ZIM2: variants seen among roughly 807,000 people sequenced by gnomAD.
ZIM2 encodes the protein zinc finger imprinted 2.
ZIM2 carries 14 observed loss-of-function variants against 38.6 expected under a neutral mutation model. That is an observed-to-expected ratio of 0.36 (90% CI 0.24 to 0.57). The LOEUF (loss-of-function observed/expected upper bound fraction) is 0.57, where lower values mean the gene tolerates loss of function less well. Among genes scored for constraint, ZIM2 ranks in the 20% least tolerant of loss-of-function variants. The pLI is 0.81. For synonymous variants in ZIM2, 247 were observed against 245.8 expected (o/e 1.00, Z -0.04); for missense variants, 680 against 695.1 (o/e 0.98, Z 0.24).
At chr19:56,830,935 T>TA (rs1019083480) in intron 2 of ZIM2, among the ~76,000 whole-genome samples, 6 of 150,212 alleles carry the variant, frequency 4.0e-5, no homozygotes, top group African/African-American at 7.4e-5. Flanking sequence ...ACCAAAAAAA[T>TA]AAAAAACAAT....
chr19:56,795,524 A>G (rs1412272957), intron 9 of ZIM2, among the ~76,000 whole-genome samples: 1 of 152,208 alleles, frequency 6.6e-6, no homozygotes, highest in Admixed American at 6.5e-5. Context: ...CAAAACCAGC[A>G]GCGCATGCGC....
intron 9 of ZIM2, chr19:56,815,948 T>G: frequency 6.3e-7 from 1 of 1,597,180 alleles, no homozygotes; most frequent in Non-Finnish European, 8.5e-7. Flanking sequence ...ATAACAGACC[T>G]ACTGTATTCC....
At chr19:56,782,161 C>G in intron 10 of ZIM2, 40 bp from the exon 11 acceptor site, 2 of 1,599,800 alleles carry the variant, frequency 1.3e-6, no homozygotes, top group Non-Finnish European at 1.7e-6. Flanking sequence ...TTAGAGAGGA[C>G]TGAACATGAT....
chr19:56,840,397 T>C (rs1601373704), intron 1 of ZIM2, among the ~76,000 whole-genome samples, 185 bp downstream of exon 1: 1 of 152,274 alleles, frequency 6.6e-6, no homozygotes, highest in East Asian at 1.9e-4. Context: ...GCCGCCACTG[T>C]GCCCACTCTC....
At chr19:56,825,715 T>A (rs1320249142) in intron 3 of ZIM2, among the ~76,000 whole-genome samples, 1 of 152,168 alleles carries the variant, frequency 6.6e-6, no homozygotes, top group Non-Finnish European at 1.5e-5. Flanking sequence ...TCTGGGAGCA[T>A]AAACTACCTA....
intron 9 of ZIM2, chr19:56,811,820 A>G (rs996063363): frequency 2.0e-6 from 2 of 985,386 alleles, no homozygotes; most frequent in African/African-American, 3.5e-5. Flanking sequence ...ACCCCGCTCA[A>G]TTCATTCTCA....
chr19:56,817,657 T>G, intron 9 of ZIM2, 89 bp downstream of exon 9: 2 of 1,521,012 alleles, frequency 1.3e-6, no homozygotes, highest in Non-Finnish European at 1.8e-6. Context: ...TGCACCCTTC[T>G]GTGATGTTTA....
chr19:56,799,481 G>A (rs1267534265), intron 9 of ZIM2: 2 of 152,188 alleles, frequency 1.3e-5, no homozygotes, highest in African/African-American at 2.4e-5. Flanking sequence ...GCATCGGGAA[G>A]AATAGCTAAT....
intron 10 of ZIM2, among the ~76,000 whole-genome samples, chr19:56,784,077 T>G (rs1335712391): frequency 6.6e-6 from 1 of 152,236 alleles, no homozygotes; most frequent in East Asian, 1.9e-4. Context: ...TTTTTCTGTC[T>G]GTTTCCAGTC....
chr19:56,817,459 G>C (rs1477106471), intron 9 of ZIM2: 1 of 1,613,412 alleles, frequency 6.2e-7, no homozygotes, highest in South Asian at 1.1e-5. Context: ...TGCTCTTCCC[G>C]ATTTGGAACT....
At chr19:56,826,296 T>C (rs968063495) in intron 3 of ZIM2, 92 bp downstream of exon 3, 2 of 152,228 alleles carry the variant, frequency 1.3e-5, no homozygotes, top group Admixed American at 6.5e-5. Context: ...AACTCTGTTA[T>C]GTGGCAGACA....
intron 10 of ZIM2, among the ~76,000 whole-genome samples, chr19:56,788,080 G>C (rs890433929): frequency 2.0e-5 from 3 of 150,294 alleles, no homozygotes; most frequent in Non-Finnish European, 4.4e-5. Flanking sequence ...TTTTTTGAAG[G>C]GTTTTTTTTT....
intron 2 of ZIM2, among the ~76,000 whole-genome samples, chr19:56,830,999 A>G (rs952264365): frequency 1.3e-5 from 2 of 152,234 alleles, no homozygotes; most frequent in Non-Finnish European, 2.9e-5. Context: ...TCTGAAATAA[A>G]TACATAAAGA....
chr19:56,803,616 T>C (rs535644223), intron 9 of ZIM2, among the ~76,000 whole-genome samples: 2 of 152,308 alleles, frequency 1.3e-5, no homozygotes, highest in East Asian at 3.9e-4. Flanking sequence ...GTTAAACTCT[T>C]AAACGTTAGT....
chr19:56,779,059 A>G (rs111756560), intron 12 of ZIM2, among the ~76,000 whole-genome samples: 12 of 152,224 alleles, frequency 7.9e-5, no homozygotes, highest in African/African-American at 2.6e-4. Flanking sequence ...GAGAAAGACA[A>G]GTGGTATCAG....
Position 56,814,988 on chromosome 19 carries a change from C to T in ZIM2, c.490+2758G>A, listed in dbSNP as rs779297398. 86 of 1,614,070 alleles carry T rather than the reference C, an allele frequency of 5.3e-5. 1 individual carries two copies. The Admixed American group carries it at 9.7e-4, about 18-fold the overall frequency. On this transcript the variant is annotated intron_variant, in intron 9 of 12. Transcript: ENST00000629319. The surrounding 1 kb of genome is among the most constrained non-coding windows in gnomAD (Gnocchi z 5.8). ...TCTCCAGTGTAATCTCTCTGATACT[C>T]GCTGATGGAATGGGTGTGAATTACA...
rs1356281887 is a variant in ZIM2, at chr19:56,781,960, G to T, written c.732C>A (p.Val244=). ...EVMLENYRNL[V]SLGHQFSKPD... ...TGGAGAAGGCATACTTACCCAGGGA[G>T]ACCAGGTTCCGGTAATTCTCCAGCA... is the stretch of plus-strand genomic sequence containing the variant. Residue 244 remains valine, a synonymous_variant, in exon 11 of 13, where the codon GTC becomes GTA. Coordinates refer to ENST00000629319, the MANE Select transcript of ZIM2 (RefSeq NM_001387356.1). The T allele has an allele frequency of 6.2e-7, 1 of 1,613,598 alleles. No individual in the cohort carries two copies.
chr19:56,808,922 ACTCT>A (rs1199433243), intron 9 of ZIM2, among the ~76,000 whole-genome samples: 1 of 152,010 alleles, frequency 6.6e-6, no homozygotes, highest in Non-Finnish European at 1.5e-5. Context: ...GGTAGCCCTC[ACTCT>A]GAGTCTGACT....
intron 9 of ZIM2, chr19:56,812,160 C>T: frequency 1.0e-6 from 1 of 974,024 alleles, no homozygotes; most frequent in Non-Finnish European, 1.2e-6. Flanking sequence ...CCAGCCAACT[C>T]AAGGCCAAAA....
Sources: allele counts gnomAD v4.1 joint callset (sites outside exome capture counted in the v4.1 genomes callset), GRCh38; gene constraint gnomAD v4.1.1; non-coding constraint Gnocchi (gnomAD v3.1); transcripts MANE v1.5; gene names NCBI Gene and HGNC (gene_info 2026-07-23, HGNC 2026-07-21).